Variants in INO80D observed in about 807,000 individuals in gnomAD.
INO80D encodes the protein INO80 complex subunit D.
A neutral mutation model predicts 87.6 loss-of-function variants in INO80D; 21 were observed. The ratio of observed to expected loss-of-function variants is 0.24; its 90% confidence interval spans 0.17 to 0.35. The LOEUF (loss-of-function observed/expected upper bound fraction) is 0.35, where lower values mean the gene tolerates loss of function less well. Ranked by LOEUF, INO80D falls within the 10% of genes least tolerant of loss-of-function variation. The pLI is 1.00. For missense variants in INO80D, 982 were observed against 1,280.7 expected (o/e 0.77, Z 3.56); for synonymous variants, 440 against 491.0 (o/e 0.90, Z 1.37).
At chr2:206,017,619 T>C (rs1300529109) in intron 8 of INO80D, 61 bp downstream of exon 8, 3 of 1,378,090 alleles carry the variant, frequency 2.2e-6, no homozygotes, top group South Asian at 1.5e-5. Context: ...TGCTAAGTTA[T>C]AAAATACTTC....
chr2:206,027,138 ACACGCACGCGCG>A (rs1688635887), intron 6 of INO80D, among the ~76,000 whole-genome samples: 1 of 135,326 alleles, frequency 7.4e-6, no homozygotes, highest in Non-Finnish European at 1.6e-5. Flanking sequence ...GAAAATTTAC[ACACGCACGCGCG>A]CACGCGCACA....
At chr2:206,019,681 G>T in intron 7 of INO80D, 55 bp downstream of exon 7, 2 of 1,263,316 alleles carry the variant, frequency 1.6e-6, no homozygotes, top group Non-Finnish European at 2.3e-6. Flanking sequence ...GAAATATACA[G>T]CCCCAAATTA....
intron 8 of INO80D, among the ~76,000 whole-genome samples, chr2:206,017,333 AT>A (rs1688345640): frequency 6.6e-6 from 1 of 152,234 alleles, no homozygotes; most frequent in Non-Finnish European, 1.5e-5. Flanking sequence ...TTCTGAATTA[AT>A]TAGGATTTAT....
At chr2:206,017,912 T>C (rs1688361335) in intron 7 of INO80D, 99 bp from the exon 8 acceptor site, 1 of 997,302 alleles carries the variant, frequency 1.0e-6, no homozygotes, top group Non-Finnish European at 1.5e-6. Flanking sequence ...AAGTACAAGC[T>C]TTATTATCCA....
Position 206,002,467 on chromosome 2 carries a change from A to T in INO80D, c.*1901T>A, listed in dbSNP as rs1687922225. 6.6e-6 allele frequency: 1 copy of T among 152,234 alleles called. No individual in the cohort carries two copies. The highest frequency in any genetic ancestry group is 2.1e-4 in the South Asian group (1 of 4,832). 9.4% of individuals were successfully genotyped at this position (152,234 alleles called of 1,614,324 possible). A position where few individuals can be genotyped will look rare whatever the true frequency, so the allele number is the denominator to read the frequency against. ...ATAAATCTTCCAATCAATTACCATGATTTTAAAAAAACTAAATATATTACA... is the reference window on the plus strand; with the variant it reads ...ATAAATCTTCCAATCAATTACCATGTTTTTAAAAAAACTAAATATATTACA... On this transcript the variant is annotated 3_prime_UTR_variant, in exon 11 of 11. Coordinates refer to ENST00000403263, the MANE Select transcript of INO80D (RefSeq NM_017759.5).
chr2:206,046,523 G>A lies in INO80D; in HGVS notation c.1054C>T (p.Leu352Phe), dbSNP rs1689199253. 6.2e-7 allele frequency: 1 copy of A among 1,609,186 alleles called. No homozygotes were observed. The highest frequency in any genetic ancestry group is 8.5e-7 in the Non-Finnish European group (1 of 1,175,698). ...YQVAWSIRET[L>F]RYQRHASDDD... is the part of the protein sequence containing the mutation. The stretch of plus-strand genomic sequence containing the variant: ...ACTTACGCATGTCTTTGATATCTGA[G>A]GGTTTCCCGGATGGACCATGCAACC... Residue 352 changes from leucine (L) to phenylalanine (F), a missense_variant, in exon 5 of 11, where the codon CTC (leucine) becomes TTC (phenylalanine). By Grantham distance (22) the Leu-to-Phe change is conservative (BLOSUM62 0). Transcript: ENST00000403263.
chr2:206,058,789 C>T (rs1209725946), intron 3 of INO80D, among the ~76,000 whole-genome samples: 1 of 152,056 alleles, frequency 6.6e-6, no homozygotes, highest in Non-Finnish European at 1.5e-5. Flanking sequence ...TTGGAAAATG[C>T]TGGCTTAAAC....
intron 5 of INO80D, among the ~76,000 whole-genome samples, chr2:206,031,975 A>G (rs1688779674): frequency 6.6e-6 from 1 of 152,146 alleles, no homozygotes; most frequent in African/African-American, 2.4e-5. Flanking sequence ...CCTGGAGCTG[A>G]GTCAATTTAG....
At chr2:206,082,148 G>A (rs1036920431) in intron 1 of INO80D, among the ~76,000 whole-genome samples, 5 of 152,198 alleles carry the variant, frequency 3.3e-5, no homozygotes, top group African/African-American at 1.2e-4. Context: ...AGCCTCCAGA[G>A]TAGCTGGGAT....
intron 7 of INO80D, among the ~76,000 whole-genome samples, chr2:206,019,431 T>C (rs903620528): frequency 6.6e-6 from 1 of 152,226 alleles, no homozygotes; most frequent in Non-Finnish European, 1.5e-5. Context: ...ATGAGTGTTA[T>C]AGCTCCTTCT....
At position 206,028,227 on chromosome 2, in the gene INO80D, A is replaced by G. The variant is rs760238887; in HGVS notation, c.1182T>C (p.Arg394=). 1.4e-5 allele frequency: 23 copies of G among 1,613,652 alleles called. No individual in the cohort carries two copies. Among genetic ancestry groups the G allele is most frequent in the Non-Finnish European group, 1.9e-5 (23 of 1,179,778 alleles). ...TAAACGTATGCCGGCATTTCTTTTG[A>G]CGAGATTCTGCCCGCTCCAGGCGGC... ...HLCRLERAES[R]QKKCRHTFRK... is the part of the protein sequence containing the mutation. The change falls in exon 6 of 11, where the codon CGT becomes CGC. Residue 394 remains arginine, a synonymous_variant. Transcript: ENST00000403263.
chr2:206,066,831 C>A (rs193012586), intron 1 of INO80D, among the ~76,000 whole-genome samples: 3 of 150,628 alleles, frequency 2.0e-5, no homozygotes, highest in Admixed American at 6.6e-5. Context: ...AAAAGAAATT[C>A]TCTTATTCAC....
chr2:206,061,538 T>C (rs1689691411), intron 3 of INO80D, among the ~76,000 whole-genome samples: 1 of 152,244 alleles, frequency 6.6e-6, no homozygotes, highest in African/African-American at 2.4e-5. Flanking sequence ...GACAGATATA[T>C]TTAGCCTAAT....
rs59790218 is a variant in INO80D at position 206,058,418 on chromosome 2, CA to C, written c.219-1476del. The stretch of plus-strand genomic sequence containing the variant: ...CAGGTGAGAGTGCCAGACTCTGTCT[CA>C]AAAAAAAAAAAAAAAAAAAAAAACC... On this transcript the variant is annotated intron_variant, in intron 3 of 10. Coordinates refer to ENST00000403263, the MANE Select transcript of INO80D (RefSeq NM_017759.5). 8.5e-3 allele frequency among the ~76,000 whole-genome samples: 1,060 copies of C among 125,024 alleles called. 9 individuals are homozygous for C. The highest frequency in any genetic ancestry group is 0.034 in the African/African-American group (967 of 28,582). 82.0% of individuals were successfully genotyped at this position (125,024 alleles called of 152,430 possible). A position where few individuals can be genotyped will look rare whatever the true frequency, so the allele number is the denominator to read the frequency against.
intron 4 of INO80D, 44 bp from the exon 5 acceptor site, chr2:206,046,656 TTA>T: frequency 7.8e-7 from 1 of 1,278,148 alleles, no homozygotes; most frequent in Non-Finnish European, 1.1e-6. Context: ...AAGTTTACTT[TTA>T]TTCAAAATTT....
At chr2:206,010,785 G>T (rs985972264) in intron 8 of INO80D, among the ~76,000 whole-genome samples, 2 of 151,958 alleles carry the variant, frequency 1.3e-5, no homozygotes, top group African/African-American at 2.4e-5. Context: ...CCAAAAAAAA[G>T]AGGCTACCTC....
chr2:206,074,654 T>C (rs1690062505), intron 1 of INO80D, among the ~76,000 whole-genome samples: 1 of 151,812 alleles, frequency 6.6e-6, no homozygotes, highest in Non-Finnish European at 1.5e-5. Flanking sequence ...AAAATCCTCA[T>C]TGGGGCTGGG....
intron 5 of INO80D, among the ~76,000 whole-genome samples, chr2:206,035,910 G>A (rs769668761): frequency 3.3e-5 from 5 of 152,050 alleles, no homozygotes; most frequent in Non-Finnish European, 7.4e-5. Context: ...AATAAAAAGT[G>A]GGCTACGGAC....
chr2:206,070,182 G>A (rs1300106330), intron 1 of INO80D, among the ~76,000 whole-genome samples: 2 of 151,798 alleles, frequency 1.3e-5, no homozygotes, highest in East Asian at 3.9e-4. Context: ...AGGCCGAGGT[G>A]AGGTGGGCGG....
Sources: allele counts gnomAD v4.1 joint callset (sites outside exome capture counted in the v4.1 genomes callset), GRCh38; gene constraint gnomAD v4.1.1; transcripts MANE v1.5; gene names NCBI Gene and HGNC (gene_info 2026-07-23, HGNC 2026-07-21).